Variants in ADAMTS17 observed in about 807,000 individuals in gnomAD.
ADAMTS17 encodes the protein A disintegrin and metalloproteinase with thrombospondin motifs 17.
In ADAMTS17, 113 loss-of-function variants were observed where a neutral mutation model predicts 141.5. The ratio of observed to expected loss-of-function variants is 0.80; its 90% CI spans 0.69 to 0.93. The LOEUF is 0.93. ADAMTS17 is among the 40% of genes least tolerant of loss of function. The probability of loss-of-function intolerance (pLI) is 0.00; values close to 1 mark genes in which losing one functional copy is unlikely to be tolerated. For missense variants in ADAMTS17, 1,659 were observed against 1,517.9 expected, an observed-to-expected ratio of 1.09 and a Z score of -1.54; for synonymous variants, 768 against 630.6, an observed-to-expected ratio of 1.22 and a Z score of -3.27.
At position 100,261,829 on chromosome 15, in the gene ADAMTS17, C is replaced by T. The variant is rs6598317; in HGVS notation, c.874-193G>A. 0.57 allele frequency among the ~76,000 whole-genome samples: 86,516 copies of T among 151,638 alleles called. 25,518 individuals are homozygous for T. Among genetic ancestry groups the T allele is most frequent in the South Asian group, 0.68 (3,258 of 4,808 alleles). The stretch of plus-strand genomic sequence containing the variant: ...TCCAGAGAGACCATCAGGGGCCTTA[C>T]ATATAGGTGCAAGTGAAGACTATGC... On this transcript the variant is annotated intron_variant, in intron 5 of 21. Coordinates refer to ENST00000268070, the MANE Select transcript of ADAMTS17 (RefSeq NM_139057.4).
intron 2 of ADAMTS17, among the ~76,000 whole-genome samples, chr15:100,332,413 G>T (rs2046082148): frequency 6.6e-6 from 1 of 152,210 alleles, no homozygotes; most frequent in African/African-American, 2.4e-5. Flanking sequence ...ACGGCACAGT[G>T]CCTGGGATGG....
At chr15:100,235,165 G>C (rs1278457024) in intron 7 of ADAMTS17, among the ~76,000 whole-genome samples, 3 of 152,164 alleles carry the variant, frequency 2.0e-5, no homozygotes. Context: ...AAACGGAAGG[G>C]AGAAATGGCC....
At chr15:100,271,385 C>G (rs1285742108) in intron 4 of ADAMTS17, among the ~76,000 whole-genome samples, 1 of 152,058 alleles carries the variant, frequency 6.6e-6, no homozygotes, top group Non-Finnish European at 1.5e-5. Flanking sequence ...ACTGTCAACA[C>G]TTCTGTTTTG....
At chr15:100,102,956 C>T (rs188628318) in intron 14 of ADAMTS17, among the ~76,000 whole-genome samples, 8 of 152,296 alleles carry the variant, frequency 5.3e-5, no homozygotes, top group African/African-American at 1.4e-4. Context: ...TTTTCAGTGG[C>T]GACTCTCCGC....
chr15:100,281,560 C>T (rs2044284826), intron 3 of ADAMTS17, among the ~76,000 whole-genome samples, 159 bp from the exon 4 acceptor site: 1 of 152,176 alleles, frequency 6.6e-6, no homozygotes, highest in Non-Finnish European at 1.5e-5. Flanking sequence ...TGTGGGTGCC[C>T]CGAGTTCACT....
chr15:100,060,841 G>A (rs12916748), intron 15 of ADAMTS17, among the ~76,000 whole-genome samples: 22,872 of 152,262 alleles, frequency 0.15, 2,322 homozygotes, highest in East Asian at 0.5. Context: ...CCCAGCAAAT[G>A]TGAGAGTAAT....
At chr15:100,286,984 T>TC (rs2044467840) in intron 3 of ADAMTS17, among the ~76,000 whole-genome samples, 1 of 152,160 alleles carries the variant, frequency 6.6e-6, no homozygotes, top group Non-Finnish European at 1.5e-5. Context: ...GGTCAAGAGA[T>TC]CGAGACCATC....
In ADAMTS17 at chr15:100,155,705, T is replaced by A. The variant is rs59281892; in HGVS notation, c.1182-385A>T. Among the ~76,000 whole-genome samples the A allele has an allele frequency of 6.5e-3, 987 of 152,374 alleles. 8 individuals are homozygous for A. Among genetic ancestry groups the A allele is most frequent in the African/African-American group, 0.018 (753 of 41,596 alleles). On this transcript the variant is annotated intron_variant, in intron 8 of 21. Transcript: ENST00000268070. ...TTTTGGTGTTTCTGTTCCTTAGAGA[T>A]AATCACTGTGCTAACGGGAATCACT...
rs78847212 is a variant in ADAMTS17, at chr15:100,263,251, G to A, written c.790-816C>T. On this transcript the variant is annotated intron_variant, in intron 4 of 21. Transcript: ENST00000268070. ...CCCTTGCCACACCCCACCAAGGCTGGCATCTCCACTACTCTCAGCTGGGAA... is the reference window on the plus strand; with the variant it reads ...CCCTTGCCACACCCCACCAAGGCTGACATCTCCACTACTCTCAGCTGGGAA... Among the ~76,000 whole-genome samples the A allele has an allele frequency of 5.4e-4, 82 of 152,186 alleles. 6 individuals carry two copies. In the East Asian group the frequency reaches 0.015, roughly 29 times the overall value.
chr15:100,087,170 T>G (rs1050069616), intron 15 of ADAMTS17, among the ~76,000 whole-genome samples: 1 of 152,078 alleles, frequency 6.6e-6, no homozygotes, highest in Admixed American at 6.5e-5. Context: ...TCACCACTGA[T>G]CCCACAGAAA....
chr15:100,084,129 G>A (rs377552688), intron 15 of ADAMTS17, among the ~76,000 whole-genome samples: 2 of 152,048 alleles, frequency 1.3e-5, no homozygotes, highest in East Asian at 1.9e-4. Flanking sequence ...CTGGAAAATC[G>A]GGTCACTCCC....
At chr15:100,001,492 A>G (rs1487961442) in intron 18 of ADAMTS17, among the ~76,000 whole-genome samples, 1 of 152,126 alleles carries the variant, frequency 6.6e-6, no homozygotes, top group Non-Finnish European at 1.5e-5. Context: ...AACACTGAGA[A>G]TGAAGCCTAA....
intron 14 of ADAMTS17, among the ~76,000 whole-genome samples, chr15:100,108,056 C>T (rs1329351735): frequency 6.6e-6 from 1 of 152,180 alleles, no homozygotes; most frequent in Non-Finnish European, 1.5e-5. Context: ...CATGGAGTCA[C>T]CTCTGCTACC....
intron 7 of ADAMTS17, among the ~76,000 whole-genome samples, chr15:100,236,657 G>T (rs1356596429): frequency 6.6e-6 from 1 of 152,154 alleles, no homozygotes; most frequent in African/African-American, 2.4e-5. Context: ...GGGAAACGCT[G>T]TAAGACCTTG....
At chr15:100,169,227 C>G (rs2040067134) in intron 8 of ADAMTS17, among the ~76,000 whole-genome samples, 3 of 152,222 alleles carry the variant, frequency 2.0e-5, no homozygotes, top group African/African-American at 4.8e-5. Flanking sequence ...ACAGCTTCCA[C>G]TGCCCAACAC....
intron 3 of ADAMTS17, among the ~76,000 whole-genome samples, chr15:100,294,411 CA>C (rs910459280): frequency 7.3e-5 from 11 of 151,654 alleles, no homozygotes; most frequent in African/African-American, 2.7e-4. Context: ...CCCTCCATCA[CA>C]AAAAAAATGA....
At chr15:100,248,347 C>T (rs1000213291) in intron 7 of ADAMTS17, among the ~76,000 whole-genome samples, 11 of 152,326 alleles carry the variant, frequency 7.2e-5, no homozygotes, top group Admixed American at 5.9e-4. Context: ...CACTGAGCAA[C>T]ACTCAGACAC....
intron 4 of ADAMTS17, among the ~76,000 whole-genome samples, chr15:100,279,311 C>T (rs896208576): frequency 3.3e-5 from 5 of 152,202 alleles, no homozygotes; most frequent in Non-Finnish European, 2.9e-5. Flanking sequence ...CTCCAGCGCT[C>T]ATCACACCAA....
chr15:100,031,912 G>C (rs571577810), intron 18 of ADAMTS17, among the ~76,000 whole-genome samples: 1 of 152,286 alleles, frequency 6.6e-6, no homozygotes, highest in African/African-American at 2.4e-5. Flanking sequence ...GCACTGATAA[G>C]GTCCTTGCCC....
Sources: gnomAD v4.1 joint callset for allele counts (sites outside exome capture counted in the v4.1 genomes callset) on GRCh38, gnomAD v4.1.1 for gene constraint, MANE v1.5 for transcripts, NCBI Gene and HGNC (gene_info 2026-07-23, HGNC 2026-07-21) for gene names.